Variants in CDH13 observed in about 807,000 individuals in gnomAD.
CDH13 encodes the protein cadherin-13.
Under a neutral mutation model 63.8 loss-of-function variants are expected in CDH13, and 24 were observed. The ratio of observed to expected loss-of-function variants is 0.38; its 90% CI spans 0.27 to 0.53. The LOEUF is 0.53. CDH13 is among the 20% of genes least tolerant of loss of function. The pLI is 0.85. For synonymous variants in CDH13, 503 were observed against 355.3 expected, an observed-to-expected ratio of 1.42 and a Z score of -4.67; for missense variants, 1,049 against 903.1, an observed-to-expected ratio of 1.16 and a Z score of -2.07.
intron 1 of CDH13, among the ~76,000 whole-genome samples, chr16:82,655,732 A>C (rs1911221367): frequency 6.6e-6 from 1 of 152,194 alleles, no homozygotes; most frequent in African/African-American, 2.4e-5. Context: ...TTTTACATAT[A>C]TATTAACTCA....
At chr16:83,651,431 G>C (rs1459742947) in intron 8 of CDH13, among the ~76,000 whole-genome samples, 1 of 151,774 alleles carries the variant, frequency 6.6e-6, no homozygotes, top group Non-Finnish European at 1.5e-5. Context: ...ATCCTGTAAG[G>C]GTAGGTATTA....
At chr16:82,981,542 G>C (rs1189002713) in intron 2 of CDH13, among the ~76,000 whole-genome samples, 2 of 152,090 alleles carry the variant, frequency 1.3e-5, no homozygotes, top group Admixed American at 6.6e-5. Context: ...CTTTAAACTA[G>C]TCTTCCCCTG....
At chr16:83,349,999 T>A (rs1041013663) in intron 6 of CDH13, among the ~76,000 whole-genome samples, 2 of 152,140 alleles carry the variant, frequency 1.3e-5, no homozygotes, top group African/African-American at 4.8e-5. Flanking sequence ...ACGTTAGAGT[T>A]ATCTCAGCTA....
chr16:83,034,604 G>T (rs537047378), intron 3 of CDH13, among the ~76,000 whole-genome samples: 2 of 152,368 alleles, frequency 1.3e-5, no homozygotes, highest in South Asian at 4.1e-4. Context: ...ACATGGAAAT[G>T]GTATGGTGAG....
At chr16:83,704,624 T>G (rs922620388) in intron 10 of CDH13, among the ~76,000 whole-genome samples, 1 of 152,220 alleles carries the variant, frequency 6.6e-6, no homozygotes, top group African/African-American at 2.4e-5. Flanking sequence ...AGTGCAATTC[T>G]AAGAATTAAG....
At chr16:82,778,595 G>A (rs1267094411) in intron 1 of CDH13, among the ~76,000 whole-genome samples, 3 of 111,244 alleles carry the variant, frequency 2.7e-5, no homozygotes, top group Non-Finnish European at 3.9e-5. Context: ...AAAAAAAAAG[G>A]TCTGCTTTAT....
chr16:82,927,585 C>G lies in CDH13; in HGVS notation c.157+69112C>G, dbSNP rs574555897. Among the ~76,000 whole-genome samples, 62 of 152,312 alleles carry G rather than the reference C, an allele frequency of 4.1e-4. 1 individual carries two copies. The highest frequency in any genetic ancestry group is 1.2e-3 in the African/African-American group (48 of 41,570). On this transcript the variant is annotated intron_variant, in intron 2 of 13. Transcript: ENST00000567109. ...TTCTTCTTTCTCTGGGAAACTCCAG[C>G]TTACATTTTACTTTTCGGCCTAGAA...
At chr16:82,790,405 A>G (rs2036242926) in intron 1 of CDH13, among the ~76,000 whole-genome samples, 1 of 152,190 alleles carries the variant, frequency 6.6e-6, no homozygotes, top group Non-Finnish European at 1.5e-5. Context: ...ACTGCACTCC[A>G]GCCTGGGTGA....
intron 3 of CDH13, among the ~76,000 whole-genome samples, chr16:83,034,839 A>G (rs750733593): frequency 2.6e-5 from 4 of 152,184 alleles, no homozygotes; most frequent in Non-Finnish European, 4.4e-5. Flanking sequence ...TTTCTGTGAG[A>G]TGCCATCCAG....
chr16:83,483,170 T>C (rs1173526534), intron 6 of CDH13, among the ~76,000 whole-genome samples: 1 of 152,186 alleles, frequency 6.6e-6, no homozygotes, highest in East Asian at 1.9e-4. Flanking sequence ...AGAGTCGTTG[T>C]CTTCAATGCT....
chr16:82,773,537 A>G (rs890094650), intron 1 of CDH13: 4 of 152,184 alleles, frequency 2.6e-5, no homozygotes, highest in Non-Finnish European at 5.9e-5. Flanking sequence ...TCAGCTTTGT[A>G]TTTCAGGTGC....
intron 2 of CDH13, among the ~76,000 whole-genome samples, chr16:82,986,657 G>A (rs1218632129): frequency 6.6e-6 from 1 of 152,178 alleles, no homozygotes; most frequent in African/African-American, 2.4e-5. Flanking sequence ...AGAAATGAAA[G>A]AGGCAAGTCC....
chr16:83,660,007 G>A (rs773607903), intron 8 of CDH13, among the ~76,000 whole-genome samples: 27 of 151,948 alleles, frequency 1.8e-4, no homozygotes, highest in Admixed American at 1.3e-4. Context: ...GGCTGGCCTC[G>A]AACTCCTGAC....
intron 2 of CDH13, among the ~76,000 whole-genome samples, chr16:82,940,371 A>C (rs1257859497): frequency 1.3e-5 from 2 of 152,274 alleles, no homozygotes; most frequent in Non-Finnish European, 2.9e-5. Context: ...ATGACACCAG[A>C]ATGAGCTAAT....
At chr16:83,189,528 G>T (rs551559629) in intron 4 of CDH13, among the ~76,000 whole-genome samples, 2 of 152,274 alleles carry the variant, frequency 1.3e-5, no homozygotes, top group Admixed American at 6.5e-5. Flanking sequence ...CGTTCACATG[G>T]CTAAGGCTAA....
intron 2 of CDH13, among the ~76,000 whole-genome samples, chr16:82,988,560 G>C: frequency 6.6e-6 from 1 of 152,090 alleles, no homozygotes; most frequent in South Asian, 2.1e-4. Context: ...TCAGGAGTTC[G>C]AGACCTGCCT....
At chr16:82,759,871 C>T (rs140038209) in intron 1 of CDH13, among the ~76,000 whole-genome samples, 1 of 152,060 alleles carries the variant, frequency 6.6e-6, no homozygotes, top group Non-Finnish European at 1.5e-5. Context: ...GCAGATTCAC[C>T]CTTTCCTTAT....
chr16:83,497,050 T>G (rs1285005329), intron 7 of CDH13, among the ~76,000 whole-genome samples: 1 of 152,224 alleles, frequency 6.6e-6, no homozygotes, highest in African/African-American at 2.4e-5. Flanking sequence ...GGAACGCTTT[T>G]ACACTGTTGG....
chr16:83,785,112 T>C (rs1915791403), intron 13 of CDH13, among the ~76,000 whole-genome samples: 2 of 152,116 alleles, frequency 1.3e-5, no homozygotes, highest in Admixed American at 6.5e-5. Context: ...TGTACAGCAA[T>C]TGGGCTAAAC....
Sources: gnomAD v4.1 joint callset for allele counts (sites outside exome capture counted in the v4.1 genomes callset) on GRCh38, gnomAD v4.1.1 for gene constraint, MANE v1.5 for transcripts, NCBI Gene and HGNC (gene_info 2026-07-23, HGNC 2026-07-21) for gene names.